Variants in PDE10A observed in about 807,000 individuals in gnomAD.
The protein encoded by PDE10A is cAMP and cAMP-inhibited cGMP 3',5'-cyclic phosphodiesterase 10A.
In PDE10A, 39 loss-of-function variants were observed where a neutral mutation model predicts 97.7. That is an observed-to-expected ratio of 0.40 (90% CI 0.31 to 0.52). The LOEUF (loss-of-function observed/expected upper bound fraction) is 0.52. Among genes scored for constraint, PDE10A ranks in the 20% least tolerant of loss-of-function variants. The probability of loss-of-function intolerance (pLI) is 0.56; values close to 1 mark genes in which losing one functional copy is unlikely to be tolerated. For missense variants in PDE10A, 731 were observed against 1,047.8 expected, an observed-to-expected ratio of 0.70 and a Z score of 4.17; for synonymous variants, 371 against 376.8, an observed-to-expected ratio of 0.98 and a Z score of 0.18.
At chr6:165,533,250 CTT>C (rs1782889077) in intron 2 of PDE10A, among the ~76,000 whole-genome samples, 1 of 152,122 alleles carries the variant, frequency 6.6e-6, no homozygotes, top group Admixed American at 6.5e-5. Flanking sequence ...TAATATGTCA[CTT>C]AATGGTGAGA....
At chr6:165,568,088 T>G (rs1395596504) in intron 1 of PDE10A, among the ~76,000 whole-genome samples, 1 of 138,168 alleles carries the variant, frequency 7.2e-6, no homozygotes, top group African/African-American at 2.7e-5. Flanking sequence ...AAGCTCCGCC[T>G]CCTGGGTTCA....
At chr6:165,818,693 A>G (rs978527437) in intron 1 of PDE10A, among the ~76,000 whole-genome samples, 6 of 152,228 alleles carry the variant, frequency 3.9e-5, no homozygotes, top group African/African-American at 1.4e-4. Context: ...AAATGGAGGC[A>G]ATTTTTGATG....
Position 165,792,666 on chromosome 6 carries a change from C to T in PDE10A, c.-615+194863G>A, listed in dbSNP as rs540938604. Among the ~76,000 whole-genome samples, 21 of 152,240 alleles carry T rather than the reference C, an allele frequency of 1.4e-4. No individual in the cohort carries two copies. The South Asian group carries it at 1.9e-3, about 14-fold the overall frequency. On this transcript the variant is annotated intron_variant, in intron 1 of 19. Coordinates refer to the PDE10A transcript ENST00000366882. Reference sequence around the variant, plus strand: ...TGCTGTGCCTTGAATGCGGTCCCGACGCTGACCACACCCAGGTTATGTCTC... The same window carrying T: ...TGCTGTGCCTTGAATGCGGTCCCGATGCTGACCACACCCAGGTTATGTCTC...
intron 1 of PDE10A, among the ~76,000 whole-genome samples, chr6:165,910,533 T>C (rs988754199): frequency 2.0e-5 from 3 of 152,208 alleles, no homozygotes; most frequent in Admixed American, 2.0e-4. Flanking sequence ...AAAGTTTCTT[T>C]TAATAACATC....
chr6:165,568,092 G>T lies in PDE10A; in HGVS notation c.866-24524C>A, dbSNP rs184620155. ...TGGCTCACTGCAAGCTCCGCCTCCT[G>T]GGTTCACGCCATTCTCCTGCCTCAG... On this transcript the variant is annotated intron_variant, in intron 1 of 21. Transcript: ENST00000539869. Among the ~76,000 whole-genome samples the T allele has an allele frequency of 1.3e-3, 192 of 142,308 alleles. 1 individual carries two copies. The highest frequency in any genetic ancestry group is 3.2e-3 in the African/African-American group (125 of 38,830). 93.4% of individuals were successfully genotyped at this position (142,308 alleles called of 152,430 possible).
At chr6:165,695,483 G>A (rs993825283) in intron 1 of PDE10A, among the ~76,000 whole-genome samples, 13 of 152,170 alleles carry the variant, frequency 8.5e-5, no homozygotes, top group Admixed American at 4.6e-4. Context: ...TCCTCCTTGG[G>A]AGGGGCAGGA....
intron 3 of PDE10A, among the ~76,000 whole-genome samples, chr6:165,478,396 C>T (rs559305982): frequency 6.6e-6 from 1 of 152,202 alleles, no homozygotes; most frequent in South Asian, 2.1e-4. Flanking sequence ...CTAGTTCAGG[C>T]AATGATGGGG....
intron 20 of PDE10A, among the ~76,000 whole-genome samples, chr6:165,337,575 T>G (rs762580436): frequency 2.6e-5 from 4 of 152,234 alleles, no homozygotes; most frequent in Non-Finnish European, 5.9e-5. Flanking sequence ...ATACTAATAT[T>G]AGAAATTAGA....
chr6:165,827,549 G>A (rs938558141), intron 1 of PDE10A, among the ~76,000 whole-genome samples: 1 of 152,234 alleles, frequency 6.6e-6, no homozygotes, highest in African/African-American at 2.4e-5. Context: ...CACCTTACGT[G>A]GTTCCAAGTG....
chr6:165,331,937 G>A lies in PDE10A; in HGVS notation c.*1088C>T, dbSNP rs1282472682. The A allele has an allele frequency of 3.9e-5, 6 of 152,238 alleles. No homozygotes were observed. In the East Asian group the frequency reaches 9.7e-4, roughly 25 times the overall value. 9.4% of individuals were successfully genotyped at this position (152,238 alleles called of 1,614,324 possible). ...TATGGACAGAAAGCTCATGAAATAC[G>A]ACCGTGCAGTACGTGGAAGAGATAA... On this transcript the variant is annotated 3_prime_UTR_variant, in exon 22 of 22. Coordinates refer to ENST00000539869, the MANE Select transcript of PDE10A (RefSeq NM_001385079.1).
At chr6:165,732,821 C>T (rs1306306317) in intron 1 of PDE10A, among the ~76,000 whole-genome samples, 1 of 152,228 alleles carries the variant, frequency 6.6e-6, no homozygotes, top group Non-Finnish European at 1.5e-5. Flanking sequence ...CCGTTAGGAT[C>T]TCCCCAGGGC....
chr6:165,354,615 T>C (rs1782907314), intron 18 of PDE10A, among the ~76,000 whole-genome samples: 2 of 152,194 alleles, frequency 1.3e-5, no homozygotes, highest in Non-Finnish European at 2.9e-5. Flanking sequence ...ATCTGCAGAC[T>C]TCAGATGGGA....
chr6:165,427,319 T>C (rs1207407866), intron 10 of PDE10A, among the ~76,000 whole-genome samples: 1 of 152,122 alleles, frequency 6.6e-6, no homozygotes, highest in Non-Finnish European at 1.5e-5. Flanking sequence ...CCATGCATAA[T>C]ATGTATGATT....
chr6:165,838,607 C>A (rs1053756404), intron 1 of PDE10A, among the ~76,000 whole-genome samples: 2 of 152,200 alleles, frequency 1.3e-5, no homozygotes, highest in African/African-American at 4.8e-5. Context: ...ACTTTCAAGA[C>A]AATTTGTTTT....
chr6:165,668,547 G>A (rs1013864835), intron 1 of PDE10A, among the ~76,000 whole-genome samples: 3 of 150,316 alleles, frequency 2.0e-5, no homozygotes, highest in South Asian at 4.2e-4. Context: ...CAAGGGGTTC[G>A]ATGCAGTTAC....
chr6:165,673,701 T>C (rs993308642), intron 1 of PDE10A, among the ~76,000 whole-genome samples: 18 of 152,272 alleles, frequency 1.2e-4, no homozygotes, highest in Non-Finnish European at 1.5e-5. Flanking sequence ...CCTTTGTTTT[T>C]AGTCTTTCTT....
chr6:165,778,414 A>C (rs1331143016), intron 1 of PDE10A, among the ~76,000 whole-genome samples: 1 of 152,146 alleles, frequency 6.6e-6, no homozygotes, highest in Non-Finnish European at 1.5e-5. Flanking sequence ...AAATTCATCC[A>C]TGCTCTATAG....
intron 19 of PDE10A, 70 bp from the exon 20 acceptor site, chr6:165,339,428 A>G (rs569575102): frequency 1.1e-6 from 1 of 939,876 alleles, no homozygotes; most frequent in South Asian, 1.3e-5. Flanking sequence ...ATATTATTGA[A>G]TTATTCCCTT....
At chr6:165,428,456 C>G (rs1166436598) in intron 10 of PDE10A, among the ~76,000 whole-genome samples, 1 of 152,058 alleles carries the variant, frequency 6.6e-6, no homozygotes, top group Non-Finnish European at 1.5e-5. Context: ...AAGAAAAGCT[C>G]TGAGATTTTT....
Sources: allele counts gnomAD v4.1 joint callset (sites outside exome capture counted in the v4.1 genomes callset), GRCh38; gene constraint gnomAD v4.1.1; transcripts MANE v1.5; gene names NCBI Gene and HGNC (gene_info 2026-07-23, HGNC 2026-07-21).